PCGF5: variants seen among roughly 807,000 people sequenced by gnomAD.
PCGF5 encodes polycomb group ring finger 5, also known as polycomb group RING finger protein 5.
PCGF5 carries 9 observed loss-of-function variants against 44.3 expected under a neutral mutation model. The observed-to-expected ratio is 0.20, with a 90% confidence interval of 0.12 to 0.35. PCGF5 has a LOEUF of 0.35. Ranked by LOEUF, PCGF5 falls within the 10% of genes least tolerant of loss-of-function variation. The pLI, the probability that PCGF5 is intolerant of heterozygous loss-of-function variation, is 1.00. For synonymous variants in PCGF5, 95 were observed against 102.5 expected, an observed-to-expected ratio of 0.93 and a Z score of 0.44; for missense variants, 146 against 305.3, an observed-to-expected ratio of 0.48 and a Z score of 3.89.
intron 3 of PCGF5, among the ~76,000 whole-genome samples, chr10:91,245,308 T>C (rs540149689): frequency 6.6e-6 from 1 of 152,296 alleles, no homozygotes; most frequent in Admixed American, 6.5e-5. Flanking sequence ...AATTCATGGT[T>C]GGATTTAGCA....
chr10:91,250,683 G>A (rs1460090253), intron 5 of PCGF5, among the ~76,000 whole-genome samples: 1 of 151,474 alleles, frequency 6.6e-6, no homozygotes, highest in African/African-American at 2.4e-5. Flanking sequence ...CTACAGGTTT[G>A]TAATAGGTGA....
upstream of PCGF5, among the ~76,000 whole-genome samples, chr10:91,218,144 G>A (rs1189776287): frequency 6.6e-6 from 1 of 152,226 alleles, no homozygotes; most frequent in Non-Finnish European, 1.5e-5. Context: ...GTACTCTCAA[G>A]AGGTATTAAA....
chr10:91,241,306 T>G (rs1297743491), intron 3 of PCGF5, among the ~76,000 whole-genome samples: 1 of 151,974 alleles, frequency 6.6e-6, no homozygotes, highest in Non-Finnish European at 1.5e-5. Context: ...CGACCTCAGG[T>G]GATCTGCCTG....
Position 91,237,693 on chromosome 10 carries a change from G to A in PCGF5, c.113-2791G>A, listed in dbSNP as rs142119704. Among the ~76,000 whole-genome samples the A allele has an allele frequency of 6.0e-3, 905 of 151,918 alleles. 11 individuals are homozygous for A. Among genetic ancestry groups the A allele is most frequent in the African/African-American group, 0.021 (865 of 41,368 alleles). On this transcript the variant is annotated intron_variant, in intron 2 of 9. Transcript: ENST00000336126. ...TGGGAGGCAGAGGTTGCAGTGAGCC[G>A]AGATCGCGCCACTGCACTCTAGCCT...
rs190430546 is a variant in PCGF5 at position 91,248,495 on chromosome 10, C to T, written c.210-10C>T. The T allele has an allele frequency of 1.6e-3, 2,585 of 1,609,068 alleles. 25 individuals are homozygous for T. The highest frequency in any genetic ancestry group is 0.012 in the South Asian group (1,099 of 90,882). On this transcript the variant is annotated splice_polypyrimidine_tract_variant and intron_variant, in intron 3 of 9. Coordinates refer to ENST00000336126, the MANE Select transcript of PCGF5 (RefSeq NM_032373.5). ...CATTGTTAGTATTTTCTTTCTCCCC[C>T]CTTTCGAAGGTTGGACAATACATTA...
chr10:91,260,834 A>G (rs988020001), intron 6 of PCGF5, among the ~76,000 whole-genome samples: 1 of 150,592 alleles, frequency 6.6e-6, no homozygotes, highest in African/African-American at 2.4e-5. Flanking sequence ...GGGGAGGGAT[A>G]GCAGTAGGAG....
intron 1 of PCGF5, among the ~76,000 whole-genome samples, chr10:91,193,279 A>C (rs1844067102): frequency 6.6e-6 from 1 of 152,226 alleles, no homozygotes; most frequent in Non-Finnish European, 1.5e-5. Context: ...CCCTGCTGTC[A>C]CTTGGATTCT....
intron 3 of PCGF5, among the ~76,000 whole-genome samples, chr10:91,247,815 G>T (rs750586227): frequency 1.3e-5 from 2 of 152,264 alleles, no homozygotes; most frequent in African/African-American, 4.8e-5. Flanking sequence ...TTGAGAATGG[G>T]CATATCAGCT....
At chr10:91,199,195 A>G (rs957809471) in intron 1 of PCGF5, among the ~76,000 whole-genome samples, 17 of 152,234 alleles carry the variant, frequency 1.1e-4, no homozygotes, top group Admixed American at 5.2e-4. Context: ...ATTTTATGAC[A>G]TAATAAACAA....
At chr10:91,179,711 G>T (rs1589353177) in intron 1 of PCGF5, among the ~76,000 whole-genome samples, 1 of 152,170 alleles carries the variant, frequency 6.6e-6, no homozygotes, top group East Asian at 1.9e-4. Flanking sequence ...AGTATTCCAT[G>T]GTGTGTATGT....
At chr10:91,191,418 C>A (rs573346637) in intron 1 of PCGF5, among the ~76,000 whole-genome samples, 6 of 152,256 alleles carry the variant, frequency 3.9e-5, no homozygotes, top group African/African-American at 1.4e-4. Context: ...GATATCATCA[C>A]ACTACTCAGA....
At chr10:91,181,537 A>G (rs990983998) in intron 1 of PCGF5, among the ~76,000 whole-genome samples, 1 of 152,182 alleles carries the variant, frequency 6.6e-6, no homozygotes, top group Non-Finnish European at 1.5e-5. Flanking sequence ...TGTTCCTTCA[A>G]TACCTAGTTT....
intron 1 of PCGF5, among the ~76,000 whole-genome samples, chr10:91,187,305 G>A (rs1279552740): frequency 1.3e-5 from 2 of 152,122 alleles, no homozygotes; most frequent in Admixed American, 6.5e-5. Context: ...ACTGTTACAA[G>A]CTCTGCACAC....
chr10:91,223,093 T>G (rs1306473655), intron 2 of PCGF5, 110 bp downstream of exon 2: 1 of 698,704 alleles, frequency 1.4e-6, no homozygotes, highest in Non-Finnish European at 2.4e-6. Context: ...AAGAAATGAG[T>G]ATTCTAATAA....
chr10:91,258,970 T>G (rs1845827636), intron 6 of PCGF5, among the ~76,000 whole-genome samples: 1 of 152,180 alleles, frequency 6.6e-6, no homozygotes, highest in African/African-American at 2.4e-5. Context: ...AGTAATATCT[T>G]TAAAAGATTC....
At chr10:91,265,346 ATCT>A (rs1846025709) in intron 8 of PCGF5, among the ~76,000 whole-genome samples, 1 of 152,204 alleles carries the variant, frequency 6.6e-6, no homozygotes, top group Non-Finnish European at 1.5e-5. Flanking sequence ...ATCAGAAATT[ATCT>A]TCATAATCTG....
intron 1 of PCGF5, among the ~76,000 whole-genome samples, chr10:91,168,711 G>A (rs1736775510): frequency 6.6e-6 from 1 of 151,964 alleles, no homozygotes; most frequent in African/African-American, 2.4e-5. Context: ...GGCAGATCAT[G>A]AGGTCAAGAG....
intron 1 of PCGF5, among the ~76,000 whole-genome samples, chr10:91,168,784 C>T (rs998423912): frequency 3.3e-5 from 5 of 151,582 alleles, no homozygotes; most frequent in Non-Finnish European, 5.9e-5. Context: ...AAAAACTAGC[C>T]GAGTGTGGTG....
chr10:91,220,843 A>G lies in PCGF5; in HGVS notation c.-184+7A>G, dbSNP rs899792286. 8 of 153,670 alleles carry G rather than the reference A, an allele frequency of 5.2e-5. No individual in the cohort carries two copies. The highest frequency in any genetic ancestry group is 1.0e-4 in the Non-Finnish European group (7 of 69,638). 9.5% of individuals were successfully genotyped at this position (153,670 alleles called of 1,614,324 possible). On this transcript the variant is annotated splice_region_variant and intron_variant, in intron 1 of 9. Coordinates refer to ENST00000336126, the MANE Select transcript of PCGF5 (RefSeq NM_032373.5). ...CGGCGGTGGCGGCCGCTGGGTAGGTACCGGGCGGGCTGGGGAGCTGCAGGG... is the reference window on the plus strand; with the variant it reads ...CGGCGGTGGCGGCCGCTGGGTAGGTGCCGGGCGGGCTGGGGAGCTGCAGGG...
Sources: gnomAD v4.1 joint callset for allele counts (sites outside exome capture counted in the v4.1 genomes callset) on GRCh38, gnomAD v4.1.1 for gene constraint, MANE v1.5 for transcripts, NCBI Gene and HGNC (gene_info 2026-07-23, HGNC 2026-07-21) for gene names.